The following LRP1B variants were observed in gnomAD, a reference collection of about 807,000 sequenced individuals.
LRP1B encodes low-density lipoprotein receptor-related protein 1B.
Under a neutral mutation model 556.6 loss-of-function variants are expected in LRP1B, and 217 were observed. The ratio of observed to expected loss-of-function variants is 0.39; its 90% CI spans 0.35 to 0.44. The LOEUF is 0.44. LRP1B is among the 20% of genes least tolerant of loss of function. The pLI is 1.00. For synonymous variants in LRP1B, 2,047 were observed against 1,865.8 expected (o/e 1.10, Z -2.50); for missense variants, 5,053 against 5,620.8 (o/e 0.90, Z 3.23).
At chr2:141,051,648 C>T (rs1381739102) in intron 10 of LRP1B, among the ~76,000 whole-genome samples, 1 of 152,038 alleles carries the variant, frequency 6.6e-6, no homozygotes, top group Non-Finnish European at 1.5e-5. Flanking sequence ...CCATTCTCCT[C>T]CAACTGAGAA....
chr2:141,058,827 CTA>C, intron 9 of LRP1B, 54 bp downstream of exon 9: 1 of 1,432,508 alleles, frequency 7.0e-7, no homozygotes, highest in Non-Finnish European at 9.4e-7. Context: ...AGCACAAGGA[CTA>C]TATCCCCATT....
At chr2:140,833,414 A>T (rs1691786467) in intron 31 of LRP1B, among the ~76,000 whole-genome samples, 2 of 152,118 alleles carry the variant, frequency 1.3e-5, no homozygotes, top group African/African-American at 2.4e-5. Flanking sequence ...GACCACCATC[A>T]CTCACTGATT....
At chr2:140,998,870 CTTGT>C (rs1553444256) in intron 15 of LRP1B, among the ~76,000 whole-genome samples, 1 of 152,028 alleles carries the variant, frequency 6.6e-6, no homozygotes, top group Non-Finnish European at 1.5e-5. Flanking sequence ...CTTTGTTTTG[CTTGT>C]TTGACTCAGA....
At chr2:141,398,197 G>C (rs1690314088) in intron 3 of LRP1B, among the ~76,000 whole-genome samples, 1 of 152,038 alleles carries the variant, frequency 6.6e-6, no homozygotes, top group Non-Finnish European at 1.5e-5. Context: ...TTCTTAGAGG[G>C]ATAAAAAGAA....
chr2:141,838,780 A>G (rs1177953618), intron 1 of LRP1B, among the ~76,000 whole-genome samples: 6 of 152,218 alleles, frequency 3.9e-5, no homozygotes, highest in Non-Finnish European at 5.9e-5. Flanking sequence ...CTTCAAAAGC[A>G]TATAAAAGAG....
chr2:142,079,163 T>C (rs1705618968), intron 1 of LRP1B, among the ~76,000 whole-genome samples: 1 of 152,170 alleles, frequency 6.6e-6, no homozygotes, highest in Non-Finnish European at 1.5e-5. Context: ...AGTAAATTAT[T>C]AGACTTCAGC....
At chr2:141,626,880 C>G (rs1688720026) in intron 2 of LRP1B, among the ~76,000 whole-genome samples, 1 of 152,202 alleles carries the variant, frequency 6.6e-6, no homozygotes, top group Admixed American at 6.5e-5. Flanking sequence ...CTTTGGAAGA[C>G]AGTTTGCCAG....
At chr2:140,238,746 T>G (rs1680821195) in intron 88 of LRP1B, among the ~76,000 whole-genome samples, 1 of 150,858 alleles carries the variant, frequency 6.6e-6, no homozygotes, top group Non-Finnish European at 1.5e-5. Context: ...TATTGCATAG[T>G]GTTGAAGCCT....
chr2:140,923,220 T>C (rs2105259305), intron 20 of LRP1B, 73 bp from the exon 21 acceptor site: 1 of 1,189,476 alleles, frequency 8.4e-7, no homozygotes. Context: ...TACTTGTTGG[T>C]AGTTTTTATT....
At chr2:141,206,848 T>C (rs564287496) in intron 6 of LRP1B, among the ~76,000 whole-genome samples, 1 of 152,254 alleles carries the variant, frequency 6.6e-6, no homozygotes, top group South Asian at 2.1e-4. Context: ...GCAAGCATGA[T>C]TGTTGGTAGT....
At chr2:142,045,200 A>G (rs1386392750) in intron 1 of LRP1B, among the ~76,000 whole-genome samples, 2 of 151,606 alleles carry the variant, frequency 1.3e-5, no homozygotes, top group Non-Finnish European at 2.9e-5. Flanking sequence ...AAGCAGGAAT[A>G]GAACAGTCCC....
chr2:142,019,735 G>A (rs1703274152), intron 1 of LRP1B, among the ~76,000 whole-genome samples: 1 of 152,140 alleles, frequency 6.6e-6, no homozygotes, highest in Admixed American at 6.5e-5. Context: ...ATCTGACCCA[G>A]GATGACCATT....
rs1232610147 is a variant in LRP1B, at chr2:141,020,107, A to G, written c.1790-5T>C. 1 of 1,465,178 alleles carries G rather than the reference A, an allele frequency of 6.8e-7. No individual in the cohort carries two copies. The highest frequency in any genetic ancestry group is 1.8e-4 in the Middle Eastern group (1 of 5,484). The allele number at this position is 1,465,178 out of a possible 1,614,324, so 90.8% of individuals were successfully genotyped here. On this transcript the variant is annotated splice_polypyrimidine_tract_variant and splice_region_variant and intron_variant, in intron 11 of 90. Transcript: ENST00000389484. ...TGCCCTCTACATTATCCAGATCTATAAAAAAAGCAAAAACAAGAAAGAAAT... is the reference window on the plus strand; with the variant it reads ...TGCCCTCTACATTATCCAGATCTATGAAAAAAGCAAAAACAAGAAAGAAAT...
At chr2:141,465,340 G>GA (rs1178123144) in intron 3 of LRP1B, among the ~76,000 whole-genome samples, 8 of 151,340 alleles carry the variant, frequency 5.3e-5, no homozygotes, top group African/African-American at 1.7e-4. Flanking sequence ...AAGAAATGGG[G>GA]AAAAAATGGA....
intron 6 of LRP1B, among the ~76,000 whole-genome samples, chr2:141,225,937 C>T (rs1370572131): frequency 2.6e-5 from 4 of 152,062 alleles, no homozygotes; most frequent in Non-Finnish European, 5.9e-5. Flanking sequence ...CTTAGAGGGC[C>T]TGTCTTTGTA....
chr2:140,292,019 G>T (rs1392959320), intron 84 of LRP1B, among the ~76,000 whole-genome samples: 2 of 152,066 alleles, frequency 1.3e-5, no homozygotes, highest in Admixed American at 1.3e-4. Context: ...GTGTGAGATG[G>T]TATCTCACTG....
chr2:141,952,783 T>C (rs955964648), intron 1 of LRP1B, among the ~76,000 whole-genome samples: 6 of 152,216 alleles, frequency 3.9e-5, no homozygotes, highest in Non-Finnish European at 7.3e-5. Context: ...TCAAATTATC[T>C]TTACGTTGGG....
intron 2 of LRP1B, among the ~76,000 whole-genome samples, chr2:141,666,026 A>T (rs973245500): frequency 2.0e-5 from 3 of 152,162 alleles, no homozygotes; most frequent in African/African-American, 7.2e-5. Context: ...GCTGGGCTTA[A>T]TACCTAGGTG....
At chr2:140,296,327 A>G (rs1312908249) in intron 84 of LRP1B, among the ~76,000 whole-genome samples, 1 of 152,174 alleles carries the variant, frequency 6.6e-6, no homozygotes, top group African/African-American at 2.4e-5. Flanking sequence ...ACAGATGGAC[A>G]TATTCTAAAA....
Sources: allele counts gnomAD v4.1 joint callset (sites outside exome capture counted in the v4.1 genomes callset), GRCh38; gene constraint gnomAD v4.1.1; transcripts MANE v1.5; gene names NCBI Gene and HGNC (gene_info 2026-07-23, HGNC 2026-07-21).